The following NEK11 variants were observed in gnomAD, a reference collection of about 807,000 sequenced individuals.
NEK11 encodes serine/threonine-protein kinase Nek11.
NEK11 carries 72 observed loss-of-function variants against 80.7 expected under a neutral mutation model. That is an observed-to-expected ratio of 0.89 (90% CI 0.74 to 1.08). The LOEUF (loss-of-function observed/expected upper bound fraction) is 1.08, where lower values mean the gene tolerates loss of function less well. NEK11 is among the 50% of genes least tolerant of loss of function. The pLI is 0.00. For missense variants in NEK11, 764 were observed against 763.6 expected, an observed-to-expected ratio of 1.00 and a Z score of -0.01; for synonymous variants, 251 against 260.7, an observed-to-expected ratio of 0.96 and a Z score of 0.36.
At chr3:131,116,858 T>G (rs1347143604) in intron 5 of NEK11, among the ~76,000 whole-genome samples, 2 of 152,226 alleles carry the variant, frequency 1.3e-5, no homozygotes, top group African/African-American at 2.4e-5. Flanking sequence ...TTAAGTTCTT[T>G]GTAGATTCTG....
intron 14 of NEK11, among the ~76,000 whole-genome samples, chr3:131,222,587 G>A (rs1015522073): frequency 3.9e-5 from 6 of 152,112 alleles, no homozygotes; most frequent in Non-Finnish European, 5.9e-5. Flanking sequence ...TTTTTCTTAC[G>A]TTTATGTTTT....
intron 14 of NEK11, 96 bp downstream of exon 14, chr3:131,170,983 A>G (rs569826619): frequency 9.5e-6 from 8 of 842,996 alleles, no homozygotes; most frequent in South Asian, 9.3e-5. Context: ...CTCTGGGAGA[A>G]GCTCTGAGTG....
chr3:131,059,243 T>C (rs1167603452), intron 3 of NEK11, among the ~76,000 whole-genome samples: 1 of 152,162 alleles, frequency 6.6e-6, no homozygotes, highest in East Asian at 1.9e-4. Context: ...CAGAAAGAAA[T>C]TGTATATGGT....
chr3:131,203,759 GTGTGTGTGTATATA>G (rs2094339023), intron 14 of NEK11, among the ~76,000 whole-genome samples: 1 of 35,994 alleles, frequency 2.8e-5, no homozygotes, highest in African/African-American at 1.0e-4. Flanking sequence ...GTGTGTGTGT[GTGTGTGTGTATATA>G]TATATATATA....
At chr3:131,044,186 T>C (rs1336002420) in intron 3 of NEK11, among the ~76,000 whole-genome samples, 1 of 151,966 alleles carries the variant, frequency 6.6e-6, no homozygotes, top group African/African-American at 2.4e-5. Flanking sequence ...AGAAACTGCA[T>C]CAACAAATGG....
Position 131,236,495 on chromosome 3 carries a change from C to T in NEK11, c.1561-6941C>T, listed in dbSNP as rs531591755. Reference sequence around the variant, plus strand: ...AGCAATCCCACAGGCATTGACTTGCCGAGAACCTGGGCATTAATAAGAGAC... The same window carrying T: ...AGCAATCCCACAGGCATTGACTTGCTGAGAACCTGGGCATTAATAAGAGAC... On this transcript the variant is annotated intron_variant, in intron 15 of 17. Coordinates refer to ENST00000383366, the MANE Select transcript of NEK11 (RefSeq NM_024800.5). 1.7e-3 allele frequency among the ~76,000 whole-genome samples: 258 copies of T among 152,238 alleles called. 1 individual carries two copies. The highest frequency in any genetic ancestry group is 6.8e-3 in the Middle Eastern group (2 of 294).
chr3:131,138,749 G>C (rs563914974), intron 7 of NEK11, among the ~76,000 whole-genome samples: 6 of 152,134 alleles, frequency 3.9e-5, no homozygotes, highest in African/African-American at 1.4e-4. Flanking sequence ...GTAATCCAAA[G>C]AATTATTCTG....
intron 7 of NEK11, among the ~76,000 whole-genome samples, chr3:131,146,812 A>T (rs1412654911): frequency 6.6e-6 from 1 of 152,010 alleles, no homozygotes; most frequent in Non-Finnish European, 1.5e-5. Flanking sequence ...AAAAATGTTG[A>T]GCGTCTTCTC....
In NEK11 at chr3:131,165,503, G is replaced by A. The variant is rs1560740263; in HGVS notation, c.1160G>A (p.Ser387Asn). ...ELRSRNFQQLSVDVLHEKTHL... is the reference protein window; with the variant it reads ...ELRSRNFQQLNVDVLHEKTHL... ...AGATCTCGGAACTTTCAGCAGCTGA[G>A]TGTTGATGTACTCCATGTAAGTACC... The change falls in exon 12 of 18, where the codon AGT (serine) becomes AAT (asparagine). Residue 387 changes from serine to asparagine, a missense_variant. Physicochemically the swap from Ser to Asn is conservative, Grantham distance 46. Transcript: ENST00000383366. 3.7e-6 allele frequency: 6 copies of A among 1,609,646 alleles called. No homozygotes were observed. Among genetic ancestry groups the A allele is most frequent in the Non-Finnish European group, 5.1e-6 (6 of 1,176,016 alleles).
chr3:131,219,674 A>T (rs12632673), intron 14 of NEK11, among the ~76,000 whole-genome samples: 2,821 of 152,268 alleles, frequency 0.019, 44 homozygotes, highest in East Asian at 0.086. Flanking sequence ...CCTCAGAGGA[A>T]TCCAACCCTG....
intron 15 of NEK11, among the ~76,000 whole-genome samples, chr3:131,234,771 G>GTT (rs372987198): frequency 7.0e-6 from 1 of 141,984 alleles, no homozygotes; most frequent in Non-Finnish European, 1.6e-5. Context: ...AGTGGGGTTT[G>GTT]TTTTTTTTTT....
At chr3:131,127,786 A>G (rs997614409) in intron 5 of NEK11, among the ~76,000 whole-genome samples, 8 of 114,258 alleles carry the variant, frequency 7.0e-5, no homozygotes, top group Admixed American at 4.1e-4. Flanking sequence ...TTTAGGGCAG[A>G]TCACCTTGAT....
intron 17 of NEK11, among the ~76,000 whole-genome samples, chr3:131,310,600 C>T (rs1399274106): frequency 6.6e-6 from 1 of 152,192 alleles, no homozygotes; most frequent in Non-Finnish European, 1.5e-5. Context: ...GACAGATATA[C>T]TTTCAAACTT....
chr3:131,284,020 A>C (rs2096438471), intron 17 of NEK11, among the ~76,000 whole-genome samples: 1 of 152,200 alleles, frequency 6.6e-6, no homozygotes, highest in African/African-American at 2.4e-5. Flanking sequence ...GGCATAGAAC[A>C]AAAAGACACC....
At chr3:131,209,961 G>GT (rs1165151435) in intron 14 of NEK11, among the ~76,000 whole-genome samples, 1 of 152,010 alleles carries the variant, frequency 6.6e-6, no homozygotes, top group Non-Finnish European at 1.5e-5. Context: ...TTTTTTGAAG[G>GT]TTTTTTTGTG....
At chr3:131,073,272 TG>T (rs1438464613) in intron 3 of NEK11, among the ~76,000 whole-genome samples, 4 of 152,204 alleles carry the variant, frequency 2.6e-5, no homozygotes, top group African/African-American at 9.6e-5. Context: ...ATGCAATATT[TG>T]TCTTCAAACC....
intron 3 of NEK11, among the ~76,000 whole-genome samples, chr3:131,075,031 G>T (rs2074109058): frequency 6.6e-6 from 1 of 152,074 alleles, no homozygotes; most frequent in African/African-American, 2.4e-5. Flanking sequence ...AAAGTCTTTG[G>T]CAGTTTGTTC....
Position 131,286,397 on chromosome 3 carries a change from G to A in NEK11, c.1718+12823G>A, listed in dbSNP as rs982720071. The stretch of plus-strand genomic sequence containing the variant: ...ATGTTTCTTTTTTCTTCTTAGAGCT[G>A]TAAGTAAACTATGTTACATGTATTT... On this transcript the variant is annotated intron_variant, in intron 17 of 17. Coordinates refer to ENST00000383366, the MANE Select transcript of NEK11 (RefSeq NM_024800.5). 4.6e-5 allele frequency among the ~76,000 whole-genome samples: 7 copies of A among 152,112 alleles called. No homozygotes were observed. The South Asian group carries it at 6.2e-4, about 14-fold the overall frequency.
At chr3:131,219,111 C>T (rs1304235642) in intron 14 of NEK11, among the ~76,000 whole-genome samples, 7 of 152,114 alleles carry the variant, frequency 4.6e-5, no homozygotes, top group South Asian at 2.1e-4. Context: ...TATTGCAGCA[C>T]TATTCACAAT....
Sources: allele counts gnomAD v4.1 joint callset (sites outside exome capture counted in the v4.1 genomes callset), GRCh38; gene constraint gnomAD v4.1.1; transcripts MANE v1.5; gene names NCBI Gene and HGNC (gene_info 2026-07-23, HGNC 2026-07-21).